The following DOCK5 variants were observed in gnomAD, a reference collection of about 807,000 sequenced individuals.
The protein encoded by DOCK5 is dedicator of cytokinesis 5, also known as dedicator of cytokinesis protein 5.
Under a neutral mutation model 251.8 loss-of-function variants are expected in DOCK5, and 142 were observed. The observed-to-expected ratio is 0.56, with a 90% CI of 0.49 to 0.65. DOCK5 has a LOEUF of 0.65. Ranked by LOEUF, DOCK5 falls within the 30% of genes least tolerant of loss-of-function variation. The pLI, the probability that DOCK5 is intolerant of heterozygous loss-of-function variation, is 0.00. For missense variants in DOCK5, 2,111 were observed against 2,312.3 expected (o/e 0.91, Z 1.79); for synonymous variants, 842 against 835.5 (o/e 1.01, Z -0.13).
intron 5 of DOCK5, among the ~76,000 whole-genome samples, chr8:25,290,539 A>C (rs1467600925): frequency 1.3e-5 from 2 of 152,232 alleles, no homozygotes; most frequent in Non-Finnish European, 2.9e-5. Context: ...TAGTGAAACC[A>C]AGATTAACAG....
chr8:25,374,939 AT>A, intron 37 of DOCK5: 5 of 1,242,238 alleles, frequency 4.0e-6, no homozygotes, highest in Non-Finnish European at 5.1e-6. Flanking sequence ...TGATGAATAC[AT>A]AAAAAAATTT....
chr8:25,319,826 AT>A, intron 15 of DOCK5, 150 bp downstream of exon 15: 2 of 571,378 alleles, frequency 3.5e-6, no homozygotes, highest in Admixed American at 6.4e-5. Flanking sequence ...AGTAATTATA[AT>A]TCTGTATTAA....
At position 25,410,090 on chromosome 8, in the gene DOCK5, C is replaced by T. The variant is rs1283769087; in HGVS notation, c.5405-9C>T. ...TCTCTCTGCCGCCTGCACTTTCTGT[C>T]ATTTCTAGGCTCCCCATCGTTGCAG... On this transcript the variant is annotated splice_polypyrimidine_tract_variant and intron_variant, in intron 50 of 51. Coordinates refer to ENST00000276440, the MANE Select transcript of DOCK5 (RefSeq NM_024940.8). 1.2e-6 allele frequency: 2 copies of T among 1,610,634 alleles called. No individual in the cohort carries two copies. Among genetic ancestry groups the T allele is most frequent in the Middle Eastern group, 1.7e-4 (1 of 6,054 alleles).
chr8:25,196,292 G>A (rs897092177), intron 1 of DOCK5, among the ~76,000 whole-genome samples: 2 of 152,210 alleles, frequency 1.3e-5, no homozygotes, highest in African/African-American at 4.8e-5. Context: ...AGGAGGTTCT[G>A]AGTCATTGGT....
intron 10 of DOCK5, among the ~76,000 whole-genome samples, chr8:25,303,682 C>T (rs889347168): frequency 3.9e-5 from 6 of 152,112 alleles, no homozygotes; most frequent in Non-Finnish European, 8.8e-5. Flanking sequence ...GCAACTCGGG[C>T]GGGGCACGAT....
intron 2 of DOCK5, among the ~76,000 whole-genome samples, chr8:25,245,200 G>T (rs939291967): frequency 6.6e-6 from 1 of 152,086 alleles, no homozygotes; most frequent in African/African-American, 2.4e-5. Flanking sequence ...GGGACTACAG[G>T]TGCCCACCAC....
chr8:25,407,963 T>C lies in DOCK5; in HGVS notation c.5094-20T>C. 1 of 1,605,406 alleles carries C rather than the reference T, an allele frequency of 6.2e-7. No homozygotes were observed. Among genetic ancestry groups the C allele is most frequent in the Non-Finnish European group, 8.5e-7 (1 of 1,175,926 alleles). ...AGGTGATCAGTATTTGTGATGTTTGTCCTTGTTCCTGGCCAATAGCTCAAT... is the reference window on the plus strand; with the variant it reads ...AGGTGATCAGTATTTGTGATGTTTGCCCTTGTTCCTGGCCAATAGCTCAAT... On this transcript the variant is annotated intron_variant, in intron 48 of 51. Transcript: ENST00000276440.
intron 1 of DOCK5, among the ~76,000 whole-genome samples, chr8:25,194,987 C>A (rs1292414617): frequency 3.9e-5 from 6 of 151,922 alleles, no homozygotes; most frequent in African/African-American, 1.5e-4. Flanking sequence ...GTGGCGCAAT[C>A]TTGGCTCACT....
chr8:25,318,956 T>C (rs1168773620), intron 14 of DOCK5, among the ~76,000 whole-genome samples: 1 of 152,164 alleles, frequency 6.6e-6, no homozygotes, highest in Non-Finnish European at 1.5e-5. Flanking sequence ...AGGGAGAAAC[T>C]GAATGCTATG....
chr8:25,314,835 T>C (rs2117189979), intron 13 of DOCK5, among the ~76,000 whole-genome samples: 1 of 149,878 alleles, frequency 6.7e-6, no homozygotes, highest in Admixed American at 6.7e-5. Flanking sequence ...TTTTCCTTTA[T>C]AACTCACATA....
At chr8:25,296,483 A>G in intron 6 of DOCK5, 30 bp from the exon 7 acceptor site, 1 of 1,595,524 alleles carries the variant, frequency 6.3e-7, no homozygotes, top group Admixed American at 1.8e-5. Flanking sequence ...CCTGGTGAGG[A>G]GAACCAGCTG....
intron 51 of DOCK5, among the ~76,000 whole-genome samples, chr8:25,410,574 ACCTTGGCCTCT>A (rs1801604330): frequency 6.6e-6 from 1 of 151,646 alleles, no homozygotes; most frequent in Non-Finnish European, 1.5e-5. Context: ...TGATTCTCCT[ACCTTGGCCTCT>A]CAATTAGCTG....
intron 1 of DOCK5, among the ~76,000 whole-genome samples, chr8:25,220,009 C>CTT (rs200819363): frequency 2.7e-5 from 4 of 146,062 alleles, no homozygotes; most frequent in African/African-American, 1.0e-4. Context: ...TTTTCTTCTT[C>CTT]TTTTTTTTTT....
Position 25,299,120 on chromosome 8 carries a change from C to T in DOCK5, c.764+19C>T. 2.5e-6 allele frequency: 4 copies of T among 1,610,758 alleles called. No individual in the cohort carries two copies. Among genetic ancestry groups the T allele is most frequent in the Middle Eastern group, 1.7e-4 (1 of 6,044 alleles). On this transcript the variant is annotated intron_variant, in intron 8 of 51. Transcript: ENST00000276440. The stretch of plus-strand genomic sequence containing the variant: ...TTATCAGGTAGCAGAGACCCACATC[C>T]CCTGCTGCTGACCTAACAAAGATAC...
At chr8:25,380,204 C>A in intron 38 of DOCK5, 101 bp from the exon 39 acceptor site, 2 of 1,016,032 alleles carry the variant, frequency 2.0e-6, no homozygotes, top group Admixed American at 2.1e-5. Flanking sequence ...CTCAATCCCC[C>A]AGACCACTTG....
intron 26 of DOCK5, among the ~76,000 whole-genome samples, chr8:25,350,099 T>C (rs1268878614): frequency 6.6e-6 from 1 of 152,166 alleles, no homozygotes; most frequent in African/African-American, 2.4e-5. Flanking sequence ...GGGAATCTAA[T>C]GTATGGCATG....
intron 51 of DOCK5, among the ~76,000 whole-genome samples, chr8:25,410,980 C>T (rs906249): frequency 0.19 from 20,347 of 109,192 alleles, 1,941 homozygotes; most frequent in Non-Finnish European, 0.23. Context: ...TGTGCGCGCG[C>T]GCGCACGCAC....
chr8:25,304,187 C>T, intron 10 of DOCK5, 68 bp from the exon 11 acceptor site: 1 of 1,355,266 alleles, frequency 7.4e-7, no homozygotes, highest in Non-Finnish European at 1.0e-6. Context: ...TGATACTGTC[C>T]TTTTCCATAG....
intron 40 of DOCK5, among the ~76,000 whole-genome samples, chr8:25,384,470 T>TATTTATTA (rs57938985): frequency 7.6e-6 from 1 of 131,748 alleles, no homozygotes; most frequent in African/African-American, 2.9e-5. Flanking sequence ...TTTATTTTTT[T>TATTTATTA]TTTTTTTGAG....
Sources: allele counts gnomAD v4.1 joint callset (sites outside exome capture counted in the v4.1 genomes callset), GRCh38; gene constraint gnomAD v4.1.1; transcripts MANE v1.5; gene names NCBI Gene and HGNC (gene_info 2026-07-23, HGNC 2026-07-21).